Variants in MROH9 observed in about 807,000 individuals in gnomAD.
MROH9 encodes the protein maestro heat-like repeat-containing protein family member 9.
A neutral mutation model predicts 98.2 loss-of-function variants in MROH9; 92 were observed. The ratio of observed to expected loss-of-function variants is 0.94; its 90% CI spans 0.79 to 1.11. The LOEUF (loss-of-function observed/expected upper bound fraction) is 1.11, where lower values mean the gene tolerates loss of function less well. Among genes scored for constraint, MROH9 ranks in the 50% most tolerant of loss-of-function variants. MROH9 has a pLI of 0.00. For missense variants in MROH9, 1,057 were observed against 1,014.8 expected (o/e 1.04, Z -0.57); for synonymous variants, 397 against 368.9 (o/e 1.08, Z -0.87).
intron 21 of MROH9, among the ~76,000 whole-genome samples, chr1:171,062,560 CT>C: frequency 6.6e-6 from 1 of 152,202 alleles, no homozygotes; most frequent in Non-Finnish European, 1.5e-5. Flanking sequence ...GCACTATTTA[CT>C]GCTAGGGACA....
chr1:170,977,794 G>T (rs2101793470), intron 8 of MROH9, among the ~76,000 whole-genome samples: 1 of 152,256 alleles, frequency 6.6e-6, no homozygotes, highest in Non-Finnish European at 1.5e-5. Context: ...GTGTGGCCAA[G>T]GATCTTTTAC....
intron 3 of MROH9, among the ~76,000 whole-genome samples, chr1:170,953,855 GAAAGAA>G (rs1649655958): frequency 2.0e-5 from 2 of 100,264 alleles, no homozygotes; most frequent in African/African-American, 9.1e-5. Flanking sequence ...GGAAGAAAGA[GAAAGAA>G]AGAGAGAGAG....
In MROH9 at chr1:170,957,016, C is replaced by CTTT. The variant is rs36026353; in HGVS notation, c.73-1433_73-1431dup. ...TGCCCATTTGTAATTGGATTATCTG[C>CTTT]TTTTTTTTTTTTTTGCCATTGAATC... is the stretch of plus-strand genomic sequence containing the variant. On this transcript the variant is annotated intron_variant, in intron 3 of 21. Transcript: ENST00000367759. Among the ~76,000 whole-genome samples, 443 of 139,216 alleles carry CTTT rather than the reference C, an allele frequency of 3.2e-3. 2 individuals carry two copies. Among genetic ancestry groups the CTTT allele is most frequent in the Admixed American group, 9.0e-3 (127 of 14,078 alleles). The allele number at this position is 139,216 out of a possible 152,430, so 91.3% of individuals were successfully genotyped here.
intron 15 of MROH9, among the ~76,000 whole-genome samples, chr1:171,012,967 C>G (rs1402054256): frequency 2.6e-5 from 4 of 152,116 alleles, no homozygotes; most frequent in Admixed American, 2.6e-4. Context: ...TCCATACTTG[C>G]CCTCAAGCCT....
rs554896436 is a variant in MROH9 at position 171,039,450 on chromosome 1, G to T, written c.2281+14030G>T. 1.8e-4 allele frequency among the ~76,000 whole-genome samples: 28 copies of T among 152,244 alleles called. No homozygotes were observed. The South Asian group carries it at 5.6e-3, about 30-fold the overall frequency. ...TTCCCATATCAGCTCCAAAATGTTT[G>T]CTCCAGCTCCTGCAACCACTTCTAC... On this transcript the variant is annotated intron_variant, in intron 20 of 21. Transcript: ENST00000367759.
At chr1:171,020,090 C>T (rs187202925) in intron 17 of MROH9, among the ~76,000 whole-genome samples, 2 of 152,108 alleles carry the variant, frequency 1.3e-5, no homozygotes, top group African/African-American at 2.4e-5. Context: ...CCTGAATAGA[C>T]GAATAACAAG....
intron 10 of MROH9, among the ~76,000 whole-genome samples, chr1:170,987,994 A>G (rs533762953): frequency 6.6e-6 from 1 of 152,190 alleles, no homozygotes; most frequent in Non-Finnish European, 1.5e-5. Flanking sequence ...CATTTTGTGA[A>G]CACCACATGT....
intron 3 of MROH9, among the ~76,000 whole-genome samples, chr1:170,953,594 C>T (rs754397291): frequency 4.3e-4 from 66 of 151,804 alleles, no homozygotes; most frequent in Non-Finnish European, 7.1e-4. Context: ...TAGCATTGGC[C>T]CACACAGTTT....
At chr1:170,999,485 G>A (rs1651712071) in intron 15 of MROH9, among the ~76,000 whole-genome samples, 2 of 151,902 alleles carry the variant, frequency 1.3e-5, no homozygotes, top group Non-Finnish European at 2.9e-5. Flanking sequence ...CACTGCAAAT[G>A]CTGTTAATTC....
chr1:170,961,815 G>A, intron 5 of MROH9, 75 bp from the exon 6 acceptor site: 2 of 641,802 alleles, frequency 3.1e-6, no homozygotes, highest in Middle Eastern at 4.3e-4. Context: ...TAACTTTTAA[G>A]CAAGAAAAAA....
chr1:170,986,850 GT>G, intron 10 of MROH9, 140 bp downstream of exon 10: 3 of 1,024,310 alleles, frequency 2.9e-6, no homozygotes, highest in Non-Finnish European at 2.8e-6. Flanking sequence ...GAGGCTTTTG[GT>G]TTTTTAAATT....
At chr1:171,030,169 T>C (rs1318346125) in intron 20 of MROH9, among the ~76,000 whole-genome samples, 1 of 152,194 alleles carries the variant, frequency 6.6e-6, no homozygotes, top group Non-Finnish European at 1.5e-5. Flanking sequence ...ATTGTATCTA[T>C]TTAATTCTTC....
intron 20 of MROH9, among the ~76,000 whole-genome samples, chr1:171,043,304 T>G (rs1238502836): frequency 6.6e-6 from 1 of 152,162 alleles, no homozygotes; most frequent in African/African-American, 2.4e-5. Flanking sequence ...TGGATTTCTT[T>G]CTGGGTTCTC....
intron 17 of MROH9, among the ~76,000 whole-genome samples, chr1:171,018,578 C>A (rs193091879): frequency 6.6e-6 from 1 of 152,130 alleles, no homozygotes; most frequent in Admixed American, 6.6e-5. Context: ...CAGAAGTAGG[C>A]TTCAGAAGGT....
intron 17 of MROH9, among the ~76,000 whole-genome samples, chr1:171,019,436 G>A (rs1436266710): frequency 6.6e-5 from 10 of 151,996 alleles, no homozygotes; most frequent in Non-Finnish European, 1.5e-4. Context: ...GGTGGATCAC[G>A]AGATCAAGAG....
chr1:171,013,001 C>T (rs1376094393), intron 15 of MROH9, among the ~76,000 whole-genome samples: 1 of 151,962 alleles, frequency 6.6e-6, no homozygotes, highest in African/African-American at 2.4e-5. Flanking sequence ...TCTTCTGTTC[C>T]CTCTCCCCTC....
chr1:170,953,419 A>C (rs1649632510), intron 3 of MROH9, among the ~76,000 whole-genome samples: 1 of 151,876 alleles, frequency 6.6e-6, no homozygotes, highest in African/African-American at 2.4e-5. Context: ...ACAAAAAAAA[A>C]CTTTTCCTAA....
chr1:171,064,241 C>T lies in MROH9; in HGVS notation c.2487C>T (p.Tyr829=). ...QNFQKLLKLF[Y]IKKLKPLYNY... ...TCCAAAAATTGCTTAAATTATTCTACATCAAAAAATTGAAGCCTCTTTACA... is the reference window on the plus strand; with the variant it reads ...TCCAAAAATTGCTTAAATTATTCTATATCAAAAAATTGAAGCCTCTTTACA... Residue 829 remains tyrosine, a synonymous_variant, in exon 22 of 22, where the codon TAC becomes TAT. Coordinates refer to ENST00000367759, the MANE Select transcript of MROH9 (RefSeq NM_001163629.2). 1 of 1,551,534 alleles carries T rather than the reference C, an allele frequency of 6.4e-7. No homozygotes were observed. Among genetic ancestry groups the T allele is most frequent in the East Asian group, 2.4e-5 (1 of 40,896 alleles).
chr1:171,058,037 A>G (rs544422254), intron 20 of MROH9, among the ~76,000 whole-genome samples: 7 of 152,326 alleles, frequency 4.6e-5, no homozygotes, highest in African/African-American at 1.4e-4. Flanking sequence ...ATAGGAAGAG[A>G]GGAAGTCAAA....
Sources: allele counts gnomAD v4.1 joint callset (sites outside exome capture counted in the v4.1 genomes callset), GRCh38; gene constraint gnomAD v4.1.1; transcripts MANE v1.5; gene names NCBI Gene and HGNC (gene_info 2026-07-23, HGNC 2026-07-21).